Variants in ABR observed in about 807,000 individuals in gnomAD.
The protein encoded by ABR is ABR activator of RhoGEF and GTPase, also known as active breakpoint cluster region-related protein.
A neutral mutation model predicts 107.2 loss-of-function variants in ABR; 35 were observed. The observed-to-expected ratio is 0.33, with a 90% CI of 0.25 to 0.43. ABR has a LOEUF of 0.43. Among genes scored for constraint, ABR ranks in the 20% least tolerant of loss-of-function variants. The pLI, the probability that ABR is intolerant of heterozygous loss-of-function variation, is 1.00. For missense variants in ABR, 815 were observed against 1,115.2 expected, an observed-to-expected ratio of 0.73 and a Z score of 3.83; for synonymous variants, 498 against 462.0, an observed-to-expected ratio of 1.08 and a Z score of -1.00.
At chr17:1,047,895 G>A (rs912919084) in intron 16 of ABR, among the ~76,000 whole-genome samples, 11 of 152,346 alleles carry the variant, frequency 7.2e-5, no homozygotes, top group Middle Eastern at 3.4e-3. Flanking sequence ...GGCCTTGGGA[G>A]CTGAGTTCTC....
intron 1 of ABR, among the ~76,000 whole-genome samples, chr17:1,168,364 G>C (rs1401976656): frequency 6.6e-6 from 1 of 152,230 alleles, no homozygotes; most frequent in African/African-American, 2.4e-5. Flanking sequence ...GGGACTCTGA[G>C]CCAGGGATCT....
chr17:1,008,575 T>C (rs1374569022), intron 21 of ABR, among the ~76,000 whole-genome samples: 3 of 152,184 alleles, frequency 2.0e-5, no homozygotes, highest in African/African-American at 7.2e-5. Context: ...TCGGAATTGG[T>C]TGGGGCTCTA....
At chr17:1,015,254 T>C (rs1441246346) in intron 16 of ABR, among the ~76,000 whole-genome samples, 1 of 151,402 alleles carries the variant, frequency 6.6e-6, no homozygotes. Context: ...CTGTCTCTAC[T>C]AAAAATACAA....
At chr17:1,095,718 C>A (rs1356129643) in intron 3 of ABR, among the ~76,000 whole-genome samples, 1 of 152,262 alleles carries the variant, frequency 6.6e-6, no homozygotes, top group East Asian at 1.9e-4. Flanking sequence ...GGGCCTGGGC[C>A]GGTTCTCACT....
rs1408201202 is a variant in ABR, at chr17:1,003,528, T to A, written c.*2552A>T. On this transcript the variant is annotated 3_prime_UTR_variant, in exon 23 of 23. Transcript: ENST00000302538. ...ATCCACACCACAGGGCTGAGTTTTG[T>A]GCAAATGATGGGGCTTTGCATTTTT... 6.5e-6 allele frequency: 1 copy of A among 152,716 alleles called. No homozygotes were observed. The highest frequency in any genetic ancestry group is 1.5e-5 in the Non-Finnish European group (1 of 68,050). 9.5% of individuals were successfully genotyped at this position (152,716 alleles called of 1,614,324 possible).
In ABR at chr17:1,099,458, G is replaced by A. The variant is rs188961242; in HGVS notation, c.345+1179C>T. Among the ~76,000 whole-genome samples, 10 of 152,260 alleles carry A rather than the reference G, an allele frequency of 6.6e-5. No individual in the cohort carries two copies. The East Asian group carries it at 1.7e-3, about 27-fold the overall frequency. ...ACACTGACAGCATCTCAGGGTTGAC[G>A]TGTGACAACACCTCACGTCATGGCA... On this transcript the variant is annotated intron_variant, in intron 3 of 22. Coordinates refer to ENST00000302538, the MANE Select transcript of ABR (RefSeq NM_021962.5).
chr17:1,172,474 G>A (rs2041751489), intron 1 of ABR, among the ~76,000 whole-genome samples: 1 of 152,128 alleles, frequency 6.6e-6, no homozygotes, highest in Non-Finnish European at 1.5e-5. Flanking sequence ...TCCTGGGCCG[G>A]GCACGGTGGC....
At chr17:1,196,706 T>G (rs1050241367) in intron 1 of ABR, among the ~76,000 whole-genome samples, 1 of 151,342 alleles carries the variant, frequency 6.6e-6, no homozygotes, top group African/African-American at 2.4e-5. Flanking sequence ...CTTTTTTTTT[T>G]TTTTTTGAGA....
chr17:1,113,334 T>C (rs1301780922), intron 2 of ABR, among the ~76,000 whole-genome samples: 1 of 129,486 alleles, frequency 7.7e-6, no homozygotes, highest in Non-Finnish European at 1.6e-5. Context: ...TCACCCAGGC[T>C]GGAGTGCAGT....
Position 1,006,152 on chromosome 17 carries a change from G to A in ABR, c.2508C>T (p.Tyr836=). The A allele has an allele frequency of 6.3e-7, 1 of 1,584,172 alleles. No homozygotes were observed. The highest frequency in any genetic ancestry group is 8.6e-7 in the Non-Finnish European group (1 of 1,164,792). ...AGGAAATGGGGGGGTGCTGCAGGTAGTAGAGGAGGACCTGGACCTGTGGGG... is the reference window on the plus strand; with the variant it reads ...AGGAAATGGGGGGGTGCTGCAGGTAATAGAGGAGGACCTGGACCTGTGGGG... The part of the protein sequence containing the change: ...DVMAQVQVLL[Y]YLQHPPISFA... Residue 836 remains tyrosine (Y), a synonymous_variant, in exon 23 of 23, where the codon TAC becomes TAT. Coordinates refer to ENST00000302538, the MANE Select transcript of ABR (RefSeq NM_021962.5).
intron 1 of ABR, among the ~76,000 whole-genome samples, chr17:1,178,992 T>A (rs2042019002): frequency 6.7e-6 from 1 of 149,598 alleles, no homozygotes; most frequent in South Asian, 2.1e-4. Context: ...GGTGGAGAAC[T>A]CGAGAAGGTT....
intron 1 of ABR, among the ~76,000 whole-genome samples, chr17:1,153,633 TAC>T (rs2040907713): frequency 1.4e-4 from 11 of 76,804 alleles, no homozygotes; most frequent in Admixed American, 6.2e-4. Flanking sequence ...CAGGCACACC[TAC>T]GGGAGGGCTG....
In ABR at chr17:1,091,788, G is replaced by T. The variant is rs757313966; in HGVS notation, c.408C>A (p.Ile136=). Reference sequence around the variant, plus strand: ...CCTGGATCTTGTAGAAGATGGTCTCGATCTGCTGGATGGTGAGCACGGGCT... The same window carrying T: ...CCTGGATCTTGTAGAAGATGGTCTCTATCTGCTGGATGGTGAGCACGGGCT... ...TSQPVLTIQQ[I]ETIFYKIQDI... The change falls in exon 4 of 23, where the codon ATC becomes ATA. Residue 136 remains isoleucine, a synonymous_variant. Coordinates refer to ENST00000302538, the MANE Select transcript of ABR (RefSeq NM_021962.5). 1.2e-6 allele frequency: 2 copies of T among 1,614,028 alleles called. No homozygotes were observed. The highest frequency in any genetic ancestry group is 1.7e-6 in the Non-Finnish European group (2 of 1,180,018).
At chr17:1,008,787 G>A (rs2070276606) in intron 21 of ABR, among the ~76,000 whole-genome samples, 1 of 152,232 alleles carries the variant, frequency 6.6e-6, no homozygotes, top group Admixed American at 6.5e-5. Context: ...TGGCGTGCAG[G>A]TGGGTTTAAG....
At chr17:1,109,233 T>TCCGCCGCCGCCG (rs972518297) in intron 2 of ABR, 1 of 911,002 alleles carries the variant, frequency 1.1e-6, no homozygotes, top group African/African-American at 1.8e-5. Flanking sequence ...TCCAGCCCGC[T>TCCGCCGCCGCCG]CCGCCGCCGC....
rs2040743062 is a variant in ABR at position 1,150,397 on chromosome 17, T to C, written c.62-25030A>G. 6.6e-6 allele frequency among the ~76,000 whole-genome samples: 1 copy of C among 152,202 alleles called. No homozygotes were observed. The highest frequency in any genetic ancestry group is 2.1e-4 in the South Asian group (1 of 4,834). On this transcript the variant is annotated intron_variant, in intron 1 of 22. Coordinates refer to ENST00000302538, the MANE Select transcript of ABR (RefSeq NM_021962.5). This position sits in a 1 kb window ranked among gnomAD's most constrained non-coding sequence, Gnocchi z 4.8. ...GTGTGCTGGGAGTTGCGGTAGACACTGTCCTGTATGATTCCACTCTGAAGA... is the reference window on the plus strand; with the variant it reads ...GTGTGCTGGGAGTTGCGGTAGACACCGTCCTGTATGATTCCACTCTGAAGA...
rs1390835696 is a variant in ABR, at chr17:1,070,291, G to C, written c.895-201C>G. Among the ~76,000 whole-genome samples, 2 of 152,108 alleles carry C rather than the reference G, an allele frequency of 1.3e-5. No homozygotes were observed. The highest frequency in any genetic ancestry group is 2.4e-5 in the African/African-American group (1 of 41,428). On this transcript the variant is annotated intron_variant, in intron 8 of 22. Transcript: ENST00000302538. This position sits in a 1 kb window ranked among gnomAD's most constrained non-coding sequence, Gnocchi z 4.2. ...GAATGCCAACAGGCTTCTCAGCTGT[G>C]ATCTCAGACAGGCTCCCTGACCTCT... is the stretch of plus-strand genomic sequence containing the variant.
At chr17:1,149,425 GT>G (rs34550378) in intron 1 of ABR, among the ~76,000 whole-genome samples, 161 of 130,438 alleles carry the variant, frequency 1.2e-3, no homozygotes, top group East Asian at 2.1e-3. Context: ...TCTGGTTTTA[GT>G]TTTTTTTTTT....
chr17:1,124,217 T>A lies in ABR; in HGVS notation c.246+966A>T, dbSNP rs371615605. ...AGGGGGTTCTCAAGAATGGGAGGGT[T>A]CAGGCGGCCTCAGCTGGGGTGGGGG... On this transcript the variant is annotated intron_variant, in intron 2 of 22. Transcript: ENST00000302538. Among the ~76,000 whole-genome samples, 125 of 150,740 alleles carry A rather than the reference T, an allele frequency of 8.3e-4. 1 individual carries two copies. Among genetic ancestry groups the A allele is most frequent in the African/African-American group, 2.9e-3 (117 of 40,966 alleles).
Sources: gnomAD v4.1 joint callset for allele counts (sites outside exome capture counted in the v4.1 genomes callset) on GRCh38, gnomAD v4.1.1 for gene constraint, Gnocchi (gnomAD v3.1) non-coding constraint, MANE v1.5 for transcripts, NCBI Gene and HGNC (gene_info 2026-07-23, HGNC 2026-07-21) for gene names.